The following CTDSP1 variants were observed in gnomAD, a reference collection of about 807,000 sequenced individuals.
CTDSP1 encodes carboxy-terminal domain RNA polymerase II polypeptide A small phosphatase 1.
CTDSP1 carries 15 observed loss-of-function variants against 32.5 expected under a neutral mutation model. That is an observed-to-expected ratio of 0.46 (90% confidence interval 0.31 to 0.71). The LOEUF (loss-of-function observed/expected upper bound fraction) is 0.71. Ranked by LOEUF, CTDSP1 falls within the 30% of genes least tolerant of loss-of-function variation. The pLI is 0.05. For missense variants in CTDSP1, 294 were observed against 351.1 expected (o/e 0.84, Z 1.30); for synonymous variants, 185 against 145.4 (o/e 1.27, Z -1.96).
chr2:218,398,543 CCTT>C, upstream of CTDSP1: 1 of 1,237,182 alleles, frequency 8.1e-7, no homozygotes, highest in East Asian at 3.1e-5. Flanking sequence ...AGCCGCCGCG[CCTT>C]CTGGCAGACG....
chr2:218,401,858 C>A (rs931553998), intron 2 of CTDSP1, 146 bp downstream of exon 2: 12 of 821,228 alleles, frequency 1.5e-5, no homozygotes, highest in Non-Finnish European at 2.2e-5. Context: ...CCCTGCCAGG[C>A]CCTGCCCACT....
rs770402295 is a variant in CTDSP1 at position 218,402,151 on chromosome 2, A to C, written c.257A>C (p.Gln86Pro). The C allele has an allele frequency of 6.2e-7, 1 of 1,613,674 alleles. No individual in the cohort carries two copies. Reference sequence around the variant, plus strand: ...TACCTGCTCCCTGAGGCCAAGGCCCAGGACTCAGACAAGATCTGCGTGGTC... The same window carrying C: ...TACCTGCTCCCTGAGGCCAAGGCCCCGGACTCAGACAAGATCTGCGTGGTC... ...VQYLLPEAKA[Q>P]DSDKICVVID... The change falls in exon 3 of 7, where the codon CAG (glutamine) becomes CCG (proline). Residue 86 changes from glutamine to proline, a missense_variant. This residue lies in a region of CTDSP1 where 148 missense variants were observed against 113.3 expected (regional missense o/e 1.31). Transcript: ENST00000273062.
At position 218,405,678 on chromosome 2, in the gene CTDSP1, C is replaced by G. The variant is rs1386290175; in HGVS notation, c.*1253C>G. On this transcript the variant is annotated 3_prime_UTR_variant, in exon 7 of 7. Coordinates refer to ENST00000273062, the MANE Select transcript of CTDSP1 (RefSeq NM_021198.3). ...GCTCCCAGGATATCCTGCCTTCCAA[C>G]TGTTTCTGAAGCCCCTCCTCCTAAC... 1 of 153,090 alleles carries G rather than the reference C, an allele frequency of 6.5e-6. No homozygotes were observed. The highest frequency in any genetic ancestry group is 2.4e-5 in the African/African-American group (1 of 41,468). The allele number at this position is 153,090 out of a possible 1,614,324, so 9.5% of individuals were successfully genotyped here.
chr2:218,401,275 G>A, intron 1 of CTDSP1: 1 of 497,964 alleles, frequency 2.0e-6, no homozygotes, highest in Non-Finnish European at 3.6e-6. Context: ...TGGAGGCTGT[G>A]AGAGGCAGGG....
upstream of CTDSP1, chr2:218,399,696 G>A (rs928233182): frequency 2.0e-6 from 2 of 981,688 alleles, no homozygotes; most frequent in Admixed American, 6.1e-5. Context: ...CGGGCGGCAG[G>A]AAGGGAGGCG....
At chr2:218,398,049 C>T (rs1484621105), upstream of CTDSP1, among the ~76,000 whole-genome samples, 3 of 152,186 alleles carry the variant, frequency 2.0e-5, no homozygotes, top group African/African-American at 7.2e-5. Flanking sequence ...GCCCCCTTCA[C>T]AGAGGGAGAG....
rs982945768 is a variant in CTDSP1 at position 218,405,565 on chromosome 2, C to T, written c.*1140C>T. 2.6e-5 allele frequency: 4 copies of T among 153,028 alleles called. No individual in the cohort carries two copies. Among genetic ancestry groups the T allele is most frequent in the East Asian group, 1.9e-4 (1 of 5,328 alleles). 9.5% of individuals were successfully genotyped at this position (153,028 alleles called of 1,614,324 possible). A position where few individuals can be genotyped will look rare whatever the true frequency, so the allele number is the denominator to read the frequency against. On this transcript the variant is annotated 3_prime_UTR_variant, in exon 7 of 7. Coordinates refer to ENST00000273062, the MANE Select transcript of CTDSP1 (RefSeq NM_021198.3). ...GGGACCTTCTGTGGGGTTTGGGGATCTCCAGGAAGCCCGACCAAGCTGTCC... is the reference window on the plus strand; with the variant it reads ...GGGACCTTCTGTGGGGTTTGGGGATTTCCAGGAAGCCCGACCAAGCTGTCC...
chr2:218,403,467 G>C, intron 6 of CTDSP1, 50 bp downstream of exon 6: 6 of 1,509,120 alleles, frequency 4.0e-6, no homozygotes, highest in Non-Finnish European at 5.3e-6. Context: ...ACCCAGGAAG[G>C]GGTCAGTCCA....
chr2:218,404,428 A>C lies in CTDSP1; in HGVS notation c.*3A>C. The C allele has an allele frequency of 1.2e-6, 2 of 1,613,946 alleles. No individual in the cohort carries two copies. Among genetic ancestry groups the C allele is most frequent in the Non-Finnish European group, 8.5e-7 (1 of 1,179,934 alleles). ...GGCAGCCACGGCCAGGGAGCTAGTG[A>C]GGGTGATGGGGCCAGGACCTGCCCC... On this transcript the variant is annotated 3_prime_UTR_variant, in exon 7 of 7. Coordinates refer to ENST00000273062, the MANE Select transcript of CTDSP1 (RefSeq NM_021198.3).
chr2:218,398,351 C>T, upstream of CTDSP1: 6 of 1,442,102 alleles, frequency 4.2e-6, no homozygotes, highest in Non-Finnish European at 4.7e-6. Flanking sequence ...GATTAGGGGG[C>T]GCAGCCAGAG....
chr2:218,405,612 C>T lies in CTDSP1; in HGVS notation c.*1187C>T, dbSNP rs1697370135. Reference sequence around the variant, plus strand: ...GTCCCCTTCCCCTGTGCCAACCCATCTCCTACAGCCCCCTGCCTGATCCCC... The same window carrying T: ...GTCCCCTTCCCCTGTGCCAACCCATTTCCTACAGCCCCCTGCCTGATCCCC... On this transcript the variant is annotated 3_prime_UTR_variant, in exon 7 of 7. Coordinates refer to ENST00000273062, the MANE Select transcript of CTDSP1 (RefSeq NM_021198.3). 2 of 152,906 alleles carry T rather than the reference C, an allele frequency of 1.3e-5. No homozygotes were observed. Among genetic ancestry groups the T allele is most frequent in the Admixed American group, 1.3e-4 (2 of 15,284 alleles). The allele number at this position is 152,906 out of a possible 1,614,324, so 9.5% of individuals were successfully genotyped here. A position where few individuals can be genotyped will look rare whatever the true frequency, so the allele number is the denominator to read the frequency against.
At chr2:218,399,611 A>G (rs2106352238), upstream of CTDSP1, 1 of 565,668 alleles carries the variant, frequency 1.8e-6, no homozygotes, top group Admixed American at 6.4e-5. Flanking sequence ...GCCTTGGCCG[A>G]GGGCGCTCGG....
At chr2:218,402,713 C>T (rs757506969) in intron 4 of CTDSP1, 34 of 759,692 alleles carry the variant, frequency 4.5e-5, no homozygotes, top group Non-Finnish European at 6.6e-5. Context: ...TTACTTGGCT[C>T]GGGGACCGGT....
chr2:218,404,664 G>A lies in CTDSP1; in HGVS notation c.*239G>A. 1 of 470,010 alleles carries A rather than the reference G, an allele frequency of 2.1e-6. No homozygotes were observed. Among genetic ancestry groups the A allele is most frequent in the Non-Finnish European group, 3.8e-6 (1 of 266,094 alleles). The allele number at this position is 470,010 out of a possible 1,614,324, so 29.1% of individuals were successfully genotyped here. A position where few individuals can be genotyped will look rare whatever the true frequency, so the allele number is the denominator to read the frequency against. On this transcript the variant is annotated 3_prime_UTR_variant, in exon 7 of 7. Transcript: ENST00000273062. Reference sequence around the variant, plus strand: ...CAAACCTCCTCCCCTATTCTCAGGGGACCTGGGGGGCCCTGCCTGCTGCTC... The same window carrying A: ...CAAACCTCCTCCCCTATTCTCAGGGAACCTGGGGGGCCCTGCCTGCTGCTC...
chr2:218,402,222 C>A lies in CTDSP1; in HGVS notation c.321+7C>A, dbSNP rs746635096. The A allele has an allele frequency of 2.5e-6, 4 of 1,613,086 alleles. No individual in the cohort carries two copies. The Admixed American group carries it at 6.7e-5, about 27-fold the overall frequency. ...GGTGCACAGCTCCTTCAAGGTGGGC[C>A]CTGCTCAACAGCCCTCAGCCCGGGT... On this transcript the variant is annotated splice_region_variant and intron_variant, in intron 3 of 6. Coordinates refer to ENST00000273062, the MANE Select transcript of CTDSP1 (RefSeq NM_021198.3).
intron 1 of CTDSP1, chr2:218,401,141 GGA>G: frequency 2.7e-6 from 1 of 365,198 alleles, no homozygotes; most frequent in Non-Finnish European, 5.5e-6. Context: ...CCACGGGGGT[GGA>G]GAGGATGGAG....
At chr2:218,398,294 C>T, upstream of CTDSP1, 3 of 910,382 alleles carry the variant, frequency 3.3e-6, no homozygotes, top group African/African-American at 1.7e-5. Context: ...TCAGTTTCCT[C>T]ATCTGTGAAA....
chr2:218,400,339 G>A (rs1341853360), intron 1 of CTDSP1, 182 bp downstream of exon 1: 3 of 708,862 alleles, frequency 4.2e-6, no homozygotes, highest in East Asian at 2.7e-5. Context: ...AGAGACGCGG[G>A]GCGGGGCCTG....
At chr2:218,397,995 C>T (rs764476337), upstream of CTDSP1, among the ~76,000 whole-genome samples, 9 of 152,128 alleles carry the variant, frequency 5.9e-5, no homozygotes, top group Non-Finnish European at 8.8e-5. Context: ...CTCAGGATGG[C>T]GCGTCTGGGA....
Sources: gnomAD v4.1 joint callset for allele counts (sites outside exome capture counted in the v4.1 genomes callset) on GRCh38, gnomAD v4.1.1 for gene constraint, gnomAD v4.1.1 regional missense constraint, MANE v1.5 for transcripts, NCBI Gene and HGNC (gene_info 2026-07-23, HGNC 2026-07-21) for gene names.